The following UNC5D variants were observed in gnomAD, a reference collection of about 807,000 sequenced individuals.
UNC5D encodes unc-5 netrin receptor D.
In UNC5D, 39 loss-of-function variants were observed where a neutral mutation model predicts 105.4. The ratio of observed to expected loss-of-function variants is 0.37; its 90% CI spans 0.29 to 0.48. The LOEUF is 0.48. Ranked by LOEUF, UNC5D falls within the 20% of genes least tolerant of loss-of-function variation. The probability of loss-of-function intolerance (pLI) is 0.98; values close to 1 mark genes in which losing one functional copy is unlikely to be tolerated. For missense variants in UNC5D, 991 were observed against 1,202.4 expected (o/e 0.82, Z 2.60); for synonymous variants, 452 against 450.4 (o/e 1.00, Z -0.04).
At chr8:35,353,846 A>C (rs1471910808) in intron 1 of UNC5D, among the ~76,000 whole-genome samples, 1 of 152,180 alleles carries the variant, frequency 6.6e-6, no homozygotes, top group Non-Finnish European at 1.5e-5. Context: ...TAAAATGAGC[A>C]TATAATTACA....
intron 1 of UNC5D, among the ~76,000 whole-genome samples, chr8:35,403,571 A>G (rs1804611170): frequency 1.3e-5 from 2 of 152,230 alleles, no homozygotes; most frequent in African/African-American, 2.4e-5. Context: ...GGCAAAACAC[A>G]TAACAATTGA....
At chr8:35,346,509 G>A (rs970882523) in intron 1 of UNC5D, among the ~76,000 whole-genome samples, 2 of 151,904 alleles carry the variant, frequency 1.3e-5, no homozygotes, top group Non-Finnish European at 2.9e-5. Context: ...AGAAAATGGA[G>A]GGGTAATATA....
intron 4 of UNC5D, among the ~76,000 whole-genome samples, chr8:35,677,855 C>T (rs1002304330): frequency 1.3e-5 from 2 of 150,804 alleles, no homozygotes; most frequent in African/African-American, 4.9e-5. Context: ...CATGAGAAAG[C>T]CATGAGAGTA....
At chr8:35,370,237 TCAA>T (rs1427115379) in intron 1 of UNC5D, among the ~76,000 whole-genome samples, 1 of 152,180 alleles carries the variant, frequency 6.6e-6, no homozygotes, top group East Asian at 1.9e-4. Context: ...AGGAGGGTTT[TCAA>T]ACGGAAAATC....
intron 1 of UNC5D, among the ~76,000 whole-genome samples, chr8:35,399,836 T>A: frequency 6.6e-6 from 1 of 152,000 alleles, no homozygotes; most frequent in South Asian, 2.1e-4. Flanking sequence ...ATACTCGATG[T>A]TTTCTGAAGC....
intron 16 of UNC5D, among the ~76,000 whole-genome samples, chr8:35,784,975 G>A (rs986846619): frequency 6.6e-6 from 1 of 151,666 alleles, no homozygotes; most frequent in Non-Finnish European, 1.5e-5. Flanking sequence ...TTAAAAATTT[G>A]TCAAAGAAAA....
intron 1 of UNC5D, among the ~76,000 whole-genome samples, chr8:35,265,272 G>A (rs1214314155): frequency 6.6e-6 from 1 of 152,118 alleles, no homozygotes; most frequent in East Asian, 1.9e-4. Context: ...TTAGCAAGGT[G>A]TGTTATGCTA....
chr8:35,678,940 TGATA>T (rs1480457222), intron 4 of UNC5D, among the ~76,000 whole-genome samples: 3 of 152,138 alleles, frequency 2.0e-5, no homozygotes, highest in Non-Finnish European at 2.9e-5. Flanking sequence ...CGAGTACAAA[TGATA>T]TAATTATCTT....
intron 3 of UNC5D, 142 bp downstream of exon 3, chr8:35,568,383 A>G: frequency 7.8e-7 from 1 of 1,283,302 alleles, no homozygotes; most frequent in Non-Finnish European, 1.0e-6. Context: ...ATGTTATTTT[A>G]AAATGTTTGA....
chr8:35,614,063 G>C (rs1820861758), intron 4 of UNC5D, among the ~76,000 whole-genome samples: 2 of 152,192 alleles, frequency 1.3e-5, no homozygotes, highest in African/African-American at 4.8e-5. Context: ...AATTATTTCT[G>C]ATGTATTAAC....
intron 1 of UNC5D, among the ~76,000 whole-genome samples, chr8:35,337,553 G>A (rs888432990): frequency 2.6e-5 from 4 of 152,084 alleles, no homozygotes; most frequent in Admixed American, 2.6e-4. Flanking sequence ...TTTTCCTATC[G>A]AGTTAAGGGA....
At chr8:35,471,460 A>G (rs1156920833) in intron 1 of UNC5D, among the ~76,000 whole-genome samples, 1 of 152,220 alleles carries the variant, frequency 6.6e-6, no homozygotes, top group East Asian at 1.9e-4. Context: ...GTGAATTATA[A>G]CACCTTGTAA....
chr8:35,405,291 G>A (rs957473564), intron 1 of UNC5D, among the ~76,000 whole-genome samples: 1 of 152,128 alleles, frequency 6.6e-6, no homozygotes, highest in Non-Finnish European at 1.5e-5. Context: ...AAATCAGGTG[G>A]TGTGTAATAA....
intron 1 of UNC5D, among the ~76,000 whole-genome samples, chr8:35,489,774 T>C (rs1207644908): frequency 6.6e-6 from 1 of 152,262 alleles, no homozygotes; most frequent in Non-Finnish European, 1.5e-5. Flanking sequence ...TGTCTACTTC[T>C]ACAAAACATG....
At chr8:35,459,646 T>C (rs1164085876) in intron 1 of UNC5D, among the ~76,000 whole-genome samples, 2 of 152,222 alleles carry the variant, frequency 1.3e-5, no homozygotes, top group Non-Finnish European at 2.9e-5. Context: ...CCTGTCACCA[T>C]CACCAATGCA....
intron 1 of UNC5D, among the ~76,000 whole-genome samples, chr8:35,239,927 TTTCTC>T (rs1391613971): frequency 1.2e-4 from 18 of 152,030 alleles, no homozygotes; most frequent in African/African-American, 4.3e-4. Context: ...CTTTTTCTCT[TTTCTC>T]TTTTCTTTTC....
intron 4 of UNC5D, among the ~76,000 whole-genome samples, chr8:35,646,911 A>G (rs1823088825): frequency 6.6e-6 from 1 of 152,172 alleles, no homozygotes; most frequent in South Asian, 2.1e-4. Flanking sequence ...CTAGCCTAAC[A>G]GACTCAATGA....
intron 4 of UNC5D, among the ~76,000 whole-genome samples, chr8:35,644,501 C>T (rs1822932574): frequency 6.6e-6 from 1 of 152,086 alleles, no homozygotes; most frequent in Admixed American, 6.6e-5. Context: ...ATCGTAGTCC[C>T]AGAATGAAAA....
intron 1 of UNC5D, among the ~76,000 whole-genome samples, chr8:35,447,247 C>T (rs1305570765): frequency 6.6e-6 from 1 of 152,048 alleles, no homozygotes; most frequent in Admixed American, 6.6e-5. Flanking sequence ...TTATCACTAA[C>T]TCTACAAAAT....
Sources: allele counts gnomAD v4.1 joint callset (sites outside exome capture counted in the v4.1 genomes callset), GRCh38; gene constraint gnomAD v4.1.1; transcripts MANE v1.5; gene names NCBI Gene and HGNC (gene_info 2026-07-23, HGNC 2026-07-21).